Variants in TSPAN13 observed in about 807,000 individuals in gnomAD.
TSPAN13 encodes the protein tetraspanin 13, also known as tetraspanin-13.
In TSPAN13, 18 loss-of-function variants were observed where a neutral mutation model predicts 26.9. The observed-to-expected ratio is 0.67, with a 90% confidence interval of 0.46 to 0.99. The LOEUF (loss-of-function observed/expected upper bound fraction) is 0.99. TSPAN13 is among the 50% of genes least tolerant of loss of function. The probability of loss-of-function intolerance (pLI) is 0.00; values close to 1 mark genes in which losing one functional copy is unlikely to be tolerated. For synonymous variants in TSPAN13, 116 were observed against 98.4 expected, an observed-to-expected ratio of 1.18 and a Z score of -1.06; for missense variants, 201 against 249.6, an observed-to-expected ratio of 0.81 and a Z score of 1.31.
At chr7:16,759,774 T>A (rs1044009661) in intron 1 of TSPAN13, among the ~76,000 whole-genome samples, 1 of 151,688 alleles carries the variant, frequency 6.6e-6, no homozygotes, top group East Asian at 1.9e-4. Context: ...GCCAGAGAGC[T>A]GTCTCCTGGG....
At position 16,783,516 on chromosome 7, in the gene TSPAN13, T is replaced by C; in HGVS notation, c.*25T>C. On this transcript the variant is annotated 3_prime_UTR_variant, in exon 6 of 6. Transcript: ENST00000262067. ...ATGAGAAAACAAGGAAGATTTCCTT[T>C]CGTATTATGATCTTGTTCACTTTCT... is the stretch of plus-strand genomic sequence containing the variant. 1 of 1,601,910 alleles carries C rather than the reference T, an allele frequency of 6.2e-7. No homozygotes were observed. The highest frequency in any genetic ancestry group is 8.6e-7 in the Non-Finnish European group (1 of 1,169,112).
At chr7:16,777,469 A>G (rs903935143) in intron 3 of TSPAN13, among the ~76,000 whole-genome samples, 2 of 152,218 alleles carry the variant, frequency 1.3e-5, no homozygotes, top group African/African-American at 4.8e-5. Flanking sequence ...TTCAAGCTCT[A>G]ATTCGTAGAC....
At position 16,777,116 on chromosome 7, in the gene TSPAN13, G is replaced by T. The variant is rs111619933; in HGVS notation, c.306G>T (p.Glu102Asp). Reference protein sequence around the residue: ...VSCACLALNQEQQGQLLEVGW... With the variant: ...VSCACLALNQDQQGQLLEVGW... ...GCGCTTGTTTAGCCCTGAACCAGGAGCAACAGGTAAGCTAAGACTTTTTTC... is the reference window on the plus strand; with the variant it reads ...GCGCTTGTTTAGCCCTGAACCAGGATCAACAGGTAAGCTAAGACTTTTTTC... Residue 102 changes from glutamate (E) to aspartate (D), a missense_variant, in exon 3 of 6, where the codon GAG becomes GAT. Transcript: ENST00000262067. The T allele has an allele frequency of 6.2e-7, 1 of 1,612,646 alleles. No individual in the cohort carries two copies. Among genetic ancestry groups the T allele is most frequent in the East Asian group, 2.2e-5 (1 of 44,840 alleles).
intron 1 of TSPAN13, among the ~76,000 whole-genome samples, chr7:16,773,909 G>C (rs1331260652): frequency 6.6e-6 from 1 of 152,196 alleles, no homozygotes; most frequent in African/African-American, 2.4e-5. Flanking sequence ...CCCAGGACTT[G>C]GGTGTTGGCA....
chr7:16,774,709 C>T (rs3807492), intron 1 of TSPAN13, among the ~76,000 whole-genome samples: 58,758 of 151,920 alleles, frequency 0.39, 11,777 homozygotes, highest in African/African-American at 0.46. Flanking sequence ...AAATTTTTGC[C>T]TCTCCTTGTC....
intron 5 of TSPAN13, among the ~76,000 whole-genome samples, chr7:16,781,152 A>G (rs1784809618): frequency 1.3e-5 from 2 of 152,240 alleles, no homozygotes; most frequent in South Asian, 4.1e-4. Flanking sequence ...TATGATTAAT[A>G]TATGTTCTTT....
intron 1 of TSPAN13, among the ~76,000 whole-genome samples, chr7:16,775,496 T>A (rs977676588): frequency 6.6e-6 from 1 of 152,252 alleles, no homozygotes; most frequent in East Asian, 1.9e-4. Context: ...CTATATATGA[T>A]TTTTAATAAA....
At chr7:16,760,355 G>A (rs1035121387) in intron 1 of TSPAN13, among the ~76,000 whole-genome samples, 4 of 152,152 alleles carry the variant, frequency 2.6e-5, no homozygotes, top group African/African-American at 9.7e-5. Flanking sequence ...TTCTGAGAGT[G>A]TTTTGGAGGT....
chr7:16,764,199 T>G (rs1311664190), intron 1 of TSPAN13, among the ~76,000 whole-genome samples: 2 of 149,462 alleles, frequency 1.3e-5, no homozygotes, highest in Non-Finnish European at 3.0e-5. Context: ...TTTTTTTTTT[T>G]TGTATTTTTA....
At chr7:16,764,969 C>T (rs1784589472) in intron 1 of TSPAN13, among the ~76,000 whole-genome samples, 1 of 151,438 alleles carries the variant, frequency 6.6e-6, no homozygotes, top group Non-Finnish European at 1.5e-5. Flanking sequence ...CTATGTTGCT[C>T]AGGCTGGTCT....
intron 1 of TSPAN13, among the ~76,000 whole-genome samples, chr7:16,761,717 A>G (rs1259089560): frequency 2.1e-5 from 1 of 46,574 alleles, no homozygotes; most frequent in African/African-American, 8.8e-5. Context: ...TTTTTTTTGT[A>G]GAGACAGGGG....
At chr7:16,761,563 G>C (rs1299042862) in intron 1 of TSPAN13, among the ~76,000 whole-genome samples, 1 of 152,072 alleles carries the variant, frequency 6.6e-6, no homozygotes, top group Non-Finnish European at 1.5e-5. Flanking sequence ...CTGTCACTAA[G>C]GCTGGAGTGC....
Position 16,783,773 on chromosome 7 carries a change from C to A in TSPAN13, c.*282C>A, listed in dbSNP as rs946326035. 1 of 431,048 alleles carries A rather than the reference C, an allele frequency of 2.3e-6. No homozygotes were observed. Among genetic ancestry groups the A allele is most frequent in the East Asian group, 4.0e-5 (1 of 25,202 alleles). The allele number at this position is 431,048 out of a possible 1,614,324, so 26.7% of individuals were successfully genotyped here. ...CTGTGGCCTTTCTTAGCATTTTTAC[C>A]TGCAGAAAAACTTTGTATGGTACCA... On this transcript the variant is annotated 3_prime_UTR_variant, in exon 6 of 6. Coordinates refer to ENST00000262067, the MANE Select transcript of TSPAN13 (RefSeq NM_014399.4).
In TSPAN13 at chr7:16,777,889, A is replaced by C; in HGVS notation, c.404A>C (p.Asn135Thr). The change falls in exon 4 of 6, where the codon AAC becomes ACC. Residue 135 changes from asparagine (N) to threonine (T), a missense_variant. Asn to Thr is a moderately conservative substitution (Grantham distance 65, BLOSUM62 0). Transcript: ENST00000262067. ...AACTGCTGTGGGTTCCGAAGTGTTA[A>C]CCCAAATGACACCTGTCTGGCTGTA... ...NLNCCGFRSV[N>T]PNDTCLASCV... The C allele has an allele frequency of 1.2e-6, 2 of 1,613,338 alleles. No homozygotes were observed. The highest frequency in any genetic ancestry group is 1.7e-6 in the Non-Finnish European group (2 of 1,179,506).
rs974439655 is a variant in TSPAN13, at chr7:16,784,473, GAA to G, written c.*984_*985del. The G allele has an allele frequency of 6.6e-6, 1 of 152,122 alleles. No individual in the cohort carries two copies. The highest frequency in any genetic ancestry group is 2.4e-5 in the African/African-American group (1 of 41,438). The allele number at this position is 152,122 out of a possible 1,614,324, so 9.4% of individuals were successfully genotyped here. On this transcript the variant is annotated 3_prime_UTR_variant, in exon 6 of 6. Transcript: ENST00000262067. ...TATTCTGTTAAAAAATTAAAGGACA[GAA>G]ACCTTTCTTTGTGTATGCATGTTTG...
chr7:16,770,461 C>T (rs551775739), intron 1 of TSPAN13, among the ~76,000 whole-genome samples: 4 of 152,314 alleles, frequency 2.6e-5, no homozygotes, highest in East Asian at 1.9e-4. Context: ...CCACCCGCTT[C>T]GGCCTCCCAA....
At chr7:16,782,087 A>G (rs1303385385) in intron 5 of TSPAN13, among the ~76,000 whole-genome samples, 1 of 152,124 alleles carries the variant, frequency 6.6e-6, no homozygotes, top group African/African-American at 2.4e-5. Context: ...TGTGAAAGCT[A>G]TTGGGGGGAT....
chr7:16,759,699 C>CT (rs59571826), intron 1 of TSPAN13, among the ~76,000 whole-genome samples: 6,065 of 132,426 alleles, frequency 0.046, 192 homozygotes, highest in African/African-American at 0.092. Context: ...TTCTTTCTTT[C>CT]TTTTTTTTTT....
chr7:16,762,697 C>T (rs1027676489), intron 1 of TSPAN13, among the ~76,000 whole-genome samples: 1 of 152,110 alleles, frequency 6.6e-6, no homozygotes, highest in Non-Finnish European at 1.5e-5. Flanking sequence ...TAACCCAGGG[C>T]ATGTGCATAA....
Sources: allele counts gnomAD v4.1 joint callset (sites outside exome capture counted in the v4.1 genomes callset), GRCh38; gene constraint gnomAD v4.1.1; transcripts MANE v1.5; gene names NCBI Gene and HGNC (gene_info 2026-07-23, HGNC 2026-07-21).